Variants in TSNARE1 observed in about 807,000 individuals in gnomAD.
TSNARE1 encodes the protein t-SNARE domain-containing protein 1.
TSNARE1 carries 49 observed loss-of-function variants against 62.0 expected under a neutral mutation model. The observed-to-expected ratio is 0.79, with a 90% CI of 0.63 to 1.00. TSNARE1 has a LOEUF of 1.00. Among genes scored for constraint, TSNARE1 ranks in the 50% least tolerant of loss-of-function variants. The probability of loss-of-function intolerance (pLI) is 0.00; values close to 1 mark genes in which losing one functional copy is unlikely to be tolerated. For missense variants in TSNARE1, 755 were observed against 700.1 expected (o/e 1.08, Z -0.88); for synonymous variants, 328 against 294.4 (o/e 1.11, Z -1.17).
At chr8:142,394,333 G>C (rs1365266234) in intron 1 of TSNARE1, among the ~76,000 whole-genome samples, 2 of 152,238 alleles carry the variant, frequency 1.3e-5, no homozygotes, top group African/African-American at 4.8e-5. Context: ...GGACCGGACA[G>C]CTCGGACCTC....
intron 2 of TSNARE1, among the ~76,000 whole-genome samples, chr8:142,353,054 C>T (rs1171728581): frequency 6.6e-6 from 1 of 152,126 alleles, no homozygotes; most frequent in East Asian, 1.9e-4. Context: ...AAGGAACCTC[C>T]ATCCACACCG....
At chr8:142,375,933 G>A (rs1836299626) in intron 1 of TSNARE1, among the ~76,000 whole-genome samples, 2 of 152,200 alleles carry the variant, frequency 1.3e-5, no homozygotes, top group Non-Finnish European at 2.9e-5. Flanking sequence ...GTGGGCAAAA[G>A]CAGCGGGCAG....
At chr8:142,357,264 G>A (rs1050232531) in intron 1 of TSNARE1, among the ~76,000 whole-genome samples, 1 of 152,240 alleles carries the variant, frequency 6.6e-6, no homozygotes, top group African/African-American at 2.4e-5. Flanking sequence ...AAGCCGTCTT[G>A]GGTGAGGGCT....
intron 6 of TSNARE1, among the ~76,000 whole-genome samples, chr8:142,330,445 A>G (rs557617389): frequency 6.6e-6 from 1 of 152,366 alleles, no homozygotes; most frequent in Non-Finnish European, 1.5e-5. Flanking sequence ...AAAGGGCAGA[A>G]GCAAGATCGG....
intron 2 of TSNARE1, 63 bp downstream of exon 2, chr8:142,354,574 G>A: frequency 8.4e-7 from 1 of 1,191,976 alleles, no homozygotes; most frequent in Non-Finnish European, 1.2e-6. Flanking sequence ...GACACAGTGA[G>A]GATCCTACCC....
chr8:142,365,939 T>C (rs777600667), intron 1 of TSNARE1: 1 of 450,258 alleles, frequency 2.2e-6, no homozygotes, highest in East Asian at 7.1e-5. Flanking sequence ...CACTCAAGAC[T>C]GTGCAGCTAC....
At chr8:142,400,001 CCTGGGCAA>C (rs1838169745) in intron 1 of TSNARE1, among the ~76,000 whole-genome samples, 1 of 151,700 alleles carries the variant, frequency 6.6e-6, no homozygotes, top group African/African-American at 2.4e-5. Context: ...TCAAGACCAG[CCTGGGCAA>C]CTGGGCAACA....
intron 9 of TSNARE1, among the ~76,000 whole-genome samples, chr8:142,312,734 T>A (rs1827797829): frequency 6.6e-6 from 1 of 152,198 alleles, no homozygotes; most frequent in African/African-American, 2.4e-5. Context: ...GACCGAGTGC[T>A]GCAATCCCCT....
chr8:142,337,010 G>A (rs912810708), intron 4 of TSNARE1, among the ~76,000 whole-genome samples: 6 of 151,954 alleles, frequency 3.9e-5, no homozygotes, highest in Non-Finnish European at 7.4e-5. Flanking sequence ...TGCATAGAGG[G>A]AAGTGTATAG....
chr8:142,352,699 AG>A (rs1429757980), intron 2 of TSNARE1, among the ~76,000 whole-genome samples: 1 of 143,870 alleles, frequency 7.0e-6, no homozygotes, highest in Non-Finnish European at 1.5e-5. Context: ...GTCTGAGCCC[AG>A]GGAAGTTCAA....
At chr8:142,329,818 G>C (rs1368408151) in intron 6 of TSNARE1, among the ~76,000 whole-genome samples, 1 of 152,154 alleles carries the variant, frequency 6.6e-6, no homozygotes, top group Non-Finnish European at 1.5e-5. Context: ...AAACACTTAA[G>C]TTTCAGTTTT....
chr8:142,294,641 T>TGGGGCCGGTCAGCAGGGTCCATAC (rs1428820255), intron 10 of TSNARE1, among the ~76,000 whole-genome samples: 1 of 152,088 alleles, frequency 6.6e-6, no homozygotes, highest in Non-Finnish European at 1.5e-5. Context: ...CAAGAGGAGA[T>TGGGGCCGGTCAGCAGGGTCCATAC]GGGGCCGGTC....
intron 4 of TSNARE1, among the ~76,000 whole-genome samples, chr8:142,339,202 G>A (rs1210206507): frequency 6.6e-6 from 1 of 152,126 alleles, no homozygotes; most frequent in Non-Finnish European, 1.5e-5. Context: ...CAAAACCTTA[G>A]TGTGTGACTG....
intron 1 of TSNARE1, among the ~76,000 whole-genome samples, chr8:142,380,365 G>A (rs1487793338): frequency 6.6e-6 from 1 of 152,170 alleles, no homozygotes; most frequent in Admixed American, 6.5e-5. Flanking sequence ...ACAGAGCAGG[G>A]AGGACGCAGC....
intron 1 of TSNARE1, among the ~76,000 whole-genome samples, chr8:142,362,606 G>A (rs1234978075): frequency 6.6e-6 from 1 of 152,142 alleles, no homozygotes; most frequent in Non-Finnish European, 1.5e-5. Flanking sequence ...GTGGGGGCCA[G>A]CGCTTCCTCT....
intron 12 of TSNARE1, among the ~76,000 whole-genome samples, chr8:142,265,882 G>A (rs6583612): frequency 0.27 from 41,408 of 152,046 alleles, 7,914 homozygotes; most frequent in African/African-American, 0.54. Context: ...GGTGAGTGTC[G>A]GATCAAATTG....
Position 142,237,530 on chromosome 8 carries a change from G to A in TSNARE1, c.1447-7951C>T, listed in dbSNP as rs367834440. 3.3e-4 allele frequency among the ~76,000 whole-genome samples: 50 copies of A among 152,272 alleles called. 2 individuals are homozygous for A. Among genetic ancestry groups the A allele is most frequent in the East Asian group, 9.7e-4 (5 of 5,170 alleles). ...CCACCGTGTGCCAGCGGAACCACCCGGGCCCTCCCCTGAGCCTCCGTTTCC... is the reference window on the plus strand; with the variant it reads ...CCACCGTGTGCCAGCGGAACCACCCAGGCCCTCCCCTGAGCCTCCGTTTCC... On this transcript the variant is annotated intron_variant, in intron 12 of 13. Transcript: ENST00000524325.
intron 12 of TSNARE1, among the ~76,000 whole-genome samples, chr8:142,235,163 C>A (rs763292538): frequency 6.6e-6 from 1 of 152,034 alleles, no homozygotes; most frequent in Non-Finnish European, 1.5e-5. Context: ...TGCTGGTGCC[C>A]GTGGTCCAGA....
At chr8:142,328,443 T>C (rs1215190074) in intron 6 of TSNARE1, among the ~76,000 whole-genome samples, 3 of 152,226 alleles carry the variant, frequency 2.0e-5, no homozygotes, top group Non-Finnish European at 2.9e-5. Context: ...AGGAAAGTTT[T>C]AAGTTGTTAG....
Sources: allele counts gnomAD v4.1 joint callset (sites outside exome capture counted in the v4.1 genomes callset), GRCh38; gene constraint gnomAD v4.1.1; transcripts MANE v1.5; gene names NCBI Gene and HGNC (gene_info 2026-07-23, HGNC 2026-07-21).